SSH2: variants seen among roughly 807,000 people sequenced by gnomAD.
SSH2 encodes protein phosphatase Slingshot homolog 2.
A neutral mutation model predicts 135.2 loss-of-function variants in SSH2; 37 were observed. The observed-to-expected ratio is 0.27, with a 90% CI of 0.21 to 0.36. The LOEUF (loss-of-function observed/expected upper bound fraction) is 0.36, where lower values mean the gene tolerates loss of function less well. Ranked by LOEUF, SSH2 falls within the 10% of genes least tolerant of loss-of-function variation. The pLI is 1.00. For synonymous variants in SSH2, 628 were observed against 646.2 expected, an observed-to-expected ratio of 0.97 and a Z score of 0.43; for missense variants, 1,408 against 1,765.3, an observed-to-expected ratio of 0.80 and a Z score of 3.63.
chr17:29,928,451 C>G, intron 1 of SSH2: 1 of 398,410 alleles, frequency 2.5e-6, no homozygotes, highest in South Asian at 1.3e-4. Flanking sequence ...GCAAAATGTT[C>G]TCCAGCCTTT....
intron 7 of SSH2, 34 bp downstream of exon 7, chr17:29,677,639 T>G (rs1299361124): frequency 1.3e-6 from 2 of 1,595,606 alleles, no homozygotes; most frequent in South Asian, 2.2e-5. Flanking sequence ...ACCCCTTGGC[T>G]TTCTGTAACA....
chr17:29,860,970 C>T (rs1011403965), intron 1 of SSH2, among the ~76,000 whole-genome samples: 2 of 152,150 alleles, frequency 1.3e-5, no homozygotes, highest in African/African-American at 4.8e-5. Context: ...CTCTTGAACT[C>T]CTGACCTCAA....
At chr17:29,849,497 A>G (rs1014059353) in intron 1 of SSH2, among the ~76,000 whole-genome samples, 30 of 151,214 alleles carry the variant, frequency 2.0e-4, no homozygotes, top group Admixed American at 1.7e-3. Context: ...AAAAAAAAAA[A>G]AAAGATGGTG....
chr17:29,700,214 G>A (rs991818003), intron 4 of SSH2, among the ~76,000 whole-genome samples: 2 of 152,072 alleles, frequency 1.3e-5, no homozygotes, highest in Non-Finnish European at 2.9e-5. Flanking sequence ...CACTCCTGGA[G>A]GTCATAAGTG....
At chr17:29,858,289 AC>A (rs762374070) in intron 1 of SSH2, among the ~76,000 whole-genome samples, 1 of 152,236 alleles carries the variant, frequency 6.6e-6, no homozygotes, top group Non-Finnish European at 1.5e-5. Flanking sequence ...GGCTTAAACA[AC>A]ATACATTTAT....
intron 1 of SSH2, among the ~76,000 whole-genome samples, chr17:29,921,579 A>G (rs908575454): frequency 6.6e-6 from 1 of 152,082 alleles, no homozygotes; most frequent in African/African-American, 2.4e-5. Flanking sequence ...CATGTGTCAA[A>G]TACTTTTTTT....
At chr17:29,811,695 A>G (rs986571171) in intron 2 of SSH2, among the ~76,000 whole-genome samples, 74 of 152,010 alleles carry the variant, frequency 4.9e-4, no homozygotes, top group African/African-American at 1.7e-3. Context: ...CAGCCTCCCA[A>G]CTAGCTGGGA....
At chr17:29,692,940 G>T (rs917550311) in intron 5 of SSH2, among the ~76,000 whole-genome samples, 2 of 152,208 alleles carry the variant, frequency 1.3e-5, no homozygotes, top group Non-Finnish European at 2.9e-5. Flanking sequence ...ATACTTTAAA[G>T]TTGGAGAATC....
chr17:29,930,157 A>G lies in SSH2; in HGVS notation c.-157T>C. 1 of 659,060 alleles carries G rather than the reference A, an allele frequency of 1.5e-6. No homozygotes were observed. Among genetic ancestry groups the G allele is most frequent in the Non-Finnish European group, 2.5e-6 (1 of 398,876 alleles). 40.8% of individuals were successfully genotyped at this position (659,060 alleles called of 1,614,324 possible). ...GGGAACGGCCGCAGACTCCGCACCCACCACCAGACTGTCGCCGACTGACGC... is the reference window on the plus strand; with the variant it reads ...GGGAACGGCCGCAGACTCCGCACCCGCCACCAGACTGTCGCCGACTGACGC... On this transcript the variant is annotated 5_prime_UTR_variant, in exon 1 of 16. Transcript: ENST00000540801.
chr17:29,755,350 G>T (rs1254136388), intron 3 of SSH2, among the ~76,000 whole-genome samples: 1 of 151,960 alleles, frequency 6.6e-6, no homozygotes, highest in Admixed American at 6.5e-5. Flanking sequence ...TTTATTTCTG[G>T]AATGATTTTG....
chr17:29,896,550 T>C (rs1317888480), intron 1 of SSH2, among the ~76,000 whole-genome samples: 2 of 150,642 alleles, frequency 1.3e-5, no homozygotes, highest in African/African-American at 4.8e-5. Context: ...TTATTTTAAA[T>C]ATATTTTGGC....
At chr17:29,716,155 T>G (rs1300472440) in intron 3 of SSH2, 3 of 191,704 alleles carry the variant, frequency 1.6e-5, no homozygotes, top group Admixed American at 5.8e-5. Context: ...CTCCAGTGAC[T>G]ACTTCTCCTC....
Position 29,631,482 on chromosome 17 carries a change from G to A in SSH2, c.3712C>T (p.Arg1238Ter). Residue 1238 changes from arginine to a stop codon, truncating the protein, a stop_gained, in exon 16 of 16, where the codon CGA becomes TGA. Transcript: ENST00000540801. LOFTEE classifies it high-confidence loss of function. ...TCACTACTAGAGCTATGTGGGAGTC[G>A]ACAGGCTACAGGCAATGGGTCCATT... ...EKMDPLPVAC[R>*]LPHSSSSENI... is the part of the protein sequence containing the mutation. The A allele has an allele frequency of 1.2e-6, 2 of 1,614,110 alleles. No homozygotes were observed. The highest frequency in any genetic ancestry group is 8.5e-7 in the Non-Finnish European group (1 of 1,180,018).
intron 6 of SSH2, among the ~76,000 whole-genome samples, chr17:29,683,337 A>G (rs2038063349): frequency 6.6e-6 from 1 of 152,228 alleles, no homozygotes; most frequent in South Asian, 2.1e-4. Context: ...AGGACACACG[A>G]AAAGGCCAGG....
At chr17:29,687,308 C>T (rs1040758612) in intron 5 of SSH2, among the ~76,000 whole-genome samples, 1 of 152,208 alleles carries the variant, frequency 6.6e-6, no homozygotes, top group African/African-American at 2.4e-5. Context: ...GAAGCACAAA[C>T]AGCAGAAGTG....
intron 14 of SSH2, among the ~76,000 whole-genome samples, chr17:29,640,137 G>T (rs2150980007): frequency 6.7e-6 from 1 of 150,370 alleles, no homozygotes; most frequent in East Asian, 2.0e-4. Flanking sequence ...GGAGTGCAGT[G>T]GCGCGATCTC....
chr17:29,813,452 G>T (rs2042484774), intron 2 of SSH2, among the ~76,000 whole-genome samples: 9 of 152,094 alleles, frequency 5.9e-5, no homozygotes, highest in Admixed American at 5.9e-4. Context: ...TGTTTAGCTA[G>T]AAATTTATAA....
At chr17:29,763,939 T>A (rs1379222769) in intron 3 of SSH2, among the ~76,000 whole-genome samples, 2 of 140,664 alleles carry the variant, frequency 1.4e-5, no homozygotes, top group East Asian at 4.0e-4. Context: ...CTAGAACATG[T>A]CTCCTGCTTT....
At position 29,716,711 on chromosome 17, in the gene SSH2, A is replaced by G. The variant is rs566586545; in HGVS notation, c.189-13649T>C. The G allele has an allele frequency of 6.4e-5, 38 of 591,138 alleles. 1 individual carries two copies. The highest frequency in any genetic ancestry group is 5.4e-4 in the South Asian group (38 of 70,234). 36.6% of individuals were successfully genotyped at this position (591,138 alleles called of 1,614,324 possible). A position where few individuals can be genotyped will look rare whatever the true frequency, so the allele number is the denominator to read the frequency against. On this transcript the variant is annotated intron_variant, in intron 3 of 15. Transcript: ENST00000540801. ...TTTTGGTGAATTACTGGAAGATGGC[A>G]GTTCCGGCTGAAAGTCTAAGTTCTC...
Sources: allele counts gnomAD v4.1 joint callset (sites outside exome capture counted in the v4.1 genomes callset), GRCh38; gene constraint gnomAD v4.1.1; transcripts MANE v1.5; gene names NCBI Gene and HGNC (gene_info 2026-07-23, HGNC 2026-07-21).